NBEA: variants seen among roughly 807,000 people sequenced by gnomAD.
NBEA encodes the protein neurobeachin, also known as lysosomal-trafficking regulator 2.
Under a neutral mutation model 343.4 loss-of-function variants are expected in NBEA, and 44 were observed. The observed-to-expected ratio is 0.13, with a 90% confidence interval of 0.10 to 0.16. The LOEUF (loss-of-function observed/expected upper bound fraction) is 0.16. NBEA is among the 10% of genes least tolerant of loss of function. NBEA has a pLI of 1.00. For synonymous variants in NBEA, 1,175 were observed against 1,238.7 expected (o/e 0.95, Z 1.08); for missense variants, 2,555 against 3,631.3 (o/e 0.70, Z 7.62).
At position 35,672,135 on chromosome 13, in the gene NBEA, A is replaced by G; in HGVS notation, c.*1144A>G. On this transcript the variant is annotated 3_prime_UTR_variant, in exon 59 of 59. Coordinates refer to ENST00000379939, the MANE Select transcript of NBEA (RefSeq NM_001385012.1). ...GATATAAAATGATGGCTATCAAATG[A>G]TTTTCCATACATTGTACTGATCAAG... 6.5e-6 allele frequency: 1 copy of G among 152,680 alleles called. No homozygotes were observed. Among genetic ancestry groups the G allele is most frequent in the African/African-American group, 2.4e-5 (1 of 41,540 alleles). The allele number at this position is 152,680 out of a possible 1,614,324, so 9.5% of individuals were successfully genotyped here.
chr13:35,052,801 A>C (rs2063111564), intron 6 of NBEA, among the ~76,000 whole-genome samples: 1 of 151,998 alleles, frequency 6.6e-6, no homozygotes, highest in Non-Finnish European at 1.5e-5. Context: ...TAATCAGTGC[A>C]TTTGTTTATT....
rs151070751 is a variant in NBEA at position 35,240,076 on chromosome 13, A to C, written c.5776+7457A>C. ...CAAAAATCGCAATTACTTTTGCACC[A>C]ACCAATAATAACTGCAATGCATTGA... On this transcript the variant is annotated intron_variant, in intron 34 of 58. Coordinates refer to ENST00000379939, the MANE Select transcript of NBEA (RefSeq NM_001385012.1). 6.3e-4 allele frequency among the ~76,000 whole-genome samples: 96 copies of C among 151,388 alleles called. 3 individuals are homozygous for C. The East Asian group carries it at 0.018, about 28-fold the overall frequency.
At position 35,148,574 on chromosome 13, in the gene NBEA, T is replaced by G. The variant is rs191002187; in HGVS notation, c.2445+6197T>G. 3.2e-4 allele frequency among the ~76,000 whole-genome samples: 49 copies of G among 152,256 alleles called. No homozygotes were observed. In the East Asian group the frequency reaches 8.9e-3, roughly 28 times the overall value. On this transcript the variant is annotated intron_variant, in intron 18 of 58. Transcript: ENST00000379939. ...ATGTAGAAAAGCACCAAAATAAAAT[T>G]TAGCAAATACTGATTAATACTTAAG... is the stretch of plus-strand genomic sequence containing the variant.
Position 35,649,635 on chromosome 13 carries a change from C to T in NBEA, c.7771-20C>T, listed in dbSNP as rs1199593129. On this transcript the variant is annotated intron_variant, in intron 51 of 58. Transcript: ENST00000379939. The stretch of plus-strand genomic sequence containing the variant: ...TATTCCTTTTGTCTTCCTCTGTTCT[C>T]TTCCCTTTCTATTCAACAGTGTTTC... The T allele has an allele frequency of 6.3e-7, 1 of 1,593,698 alleles. No individual in the cohort carries two copies. Among genetic ancestry groups the T allele is most frequent in the South Asian group, 1.1e-5 (1 of 90,566 alleles).
rs542059028 is a variant in NBEA, at chr13:35,356,663, A to G, written c.6179+4340A>G. ...TCATCCTACTGAACTTCTAAACTGT[A>G]TTTGACAGTCTTCTATGAACTCTAT... is the stretch of plus-strand genomic sequence containing the variant. On this transcript the variant is annotated intron_variant, in intron 38 of 58. Coordinates refer to ENST00000379939, the MANE Select transcript of NBEA (RefSeq NM_001385012.1). Among the ~76,000 whole-genome samples, 31 of 152,240 alleles carry G rather than the reference A, an allele frequency of 2.0e-4. No individual in the cohort carries two copies. The South Asian group carries it at 6.2e-3, about 31-fold the overall frequency.
At chr13:35,060,122 G>A in intron 8 of NBEA, among the ~76,000 whole-genome samples, 1 of 151,622 alleles carries the variant, frequency 6.6e-6, no homozygotes, top group East Asian at 1.9e-4. Context: ...TAAAATACTT[G>A]CAGTGTCTTT....
At chr13:35,511,479 A>G (rs1186839582) in intron 41 of NBEA, among the ~76,000 whole-genome samples, 1 of 152,196 alleles carries the variant, frequency 6.6e-6, no homozygotes, top group Non-Finnish European at 1.5e-5. Flanking sequence ...TTTTCGAGCA[A>G]GGAACCCATT....
intron 53 of NBEA, among the ~76,000 whole-genome samples, chr13:35,652,688 CTTTTTTTT>C (rs766315741): frequency 1.5e-5 from 1 of 67,574 alleles, no homozygotes; most frequent in Non-Finnish European, 2.5e-5. Context: ...TTCTGGCAGT[CTTTTTTTT>C]TTTTTTTTTT....
chr13:35,081,851 T>C (rs572037126), intron 10 of NBEA, among the ~76,000 whole-genome samples: 12 of 152,268 alleles, frequency 7.9e-5, no homozygotes, highest in African/African-American at 2.9e-4. Context: ...TCATAGAATG[T>C]GTAATGACCA....
At chr13:35,068,676 C>A (rs1441576252) in intron 8 of NBEA, among the ~76,000 whole-genome samples, 1 of 152,034 alleles carries the variant, frequency 6.6e-6, no homozygotes, top group East Asian at 1.9e-4. Flanking sequence ...TGGTTTGCAT[C>A]CAGTTTTCTT....
At chr13:35,244,066 T>A (rs1933691) in intron 34 of NBEA, among the ~76,000 whole-genome samples, 1 of 151,782 alleles carries the variant, frequency 6.6e-6, no homozygotes, top group Non-Finnish European at 1.5e-5. Flanking sequence ...CATTTAAAAC[T>A]ATTAAAATCT....
intron 36 of NBEA, among the ~76,000 whole-genome samples, chr13:35,316,650 T>C (rs1412017368): frequency 2.0e-5 from 3 of 152,136 alleles, no homozygotes; most frequent in African/African-American, 7.2e-5. Flanking sequence ...GGTCAAATGG[T>C]ATTTCTGGTT....
At chr13:35,252,008 G>A (rs1018053406) in intron 34 of NBEA, among the ~76,000 whole-genome samples, 2 of 152,122 alleles carry the variant, frequency 1.3e-5, no homozygotes, top group African/African-American at 4.8e-5. Flanking sequence ...ATCAAATGAA[G>A]CACTTTCATT....
chr13:34,959,523 C>G (rs1041522666), intron 1 of NBEA, among the ~76,000 whole-genome samples: 1 of 151,906 alleles, frequency 6.6e-6, no homozygotes, highest in Non-Finnish European at 1.5e-5. Flanking sequence ...AGTTTCTCAT[C>G]CAGGCCTTAG....
chr13:35,214,314 AC>A, intron 33 of NBEA, among the ~76,000 whole-genome samples: 1 of 151,886 alleles, frequency 6.6e-6, no homozygotes, highest in East Asian at 1.9e-4. Context: ...CATTTGAGAA[AC>A]TGCTGAGCTG....
rs551371603 is a variant in NBEA, at chr13:35,244,808, A to T, written c.5776+12189A>T. The stretch of plus-strand genomic sequence containing the variant: ...ATGATTTCCTTCAGCAGTGTTTTGT[A>T]GTTTTTCTTGTAGAGTACTTTCACC... On this transcript the variant is annotated intron_variant, in intron 34 of 58. Transcript: ENST00000379939. Among the ~76,000 whole-genome samples the T allele has an allele frequency of 3.3e-5, 5 of 151,802 alleles. No individual in the cohort carries two copies. The East Asian group carries it at 9.7e-4, about 29-fold the overall frequency.
chr13:35,556,957 C>T (rs369257684), intron 44 of NBEA, among the ~76,000 whole-genome samples: 1 of 152,028 alleles, frequency 6.6e-6, no homozygotes, highest in East Asian at 1.9e-4. Context: ...TTTCCATATT[C>T]CCTGTATTAG....
intron 51 of NBEA, among the ~76,000 whole-genome samples, chr13:35,647,885 T>C (rs2084312414): frequency 1.3e-5 from 2 of 151,508 alleles, no homozygotes; most frequent in Admixed American, 6.6e-5. Context: ...TGTTTTTAAA[T>C]TTTTTTTTAA....
intron 34 of NBEA, among the ~76,000 whole-genome samples, chr13:35,242,789 A>G (rs185918694): frequency 6.6e-6 from 1 of 151,942 alleles, no homozygotes; most frequent in East Asian, 1.9e-4. Flanking sequence ...ATCAACCAAT[A>G]ATACTACCTC....
Sources: gnomAD v4.1 joint callset for allele counts (sites outside exome capture counted in the v4.1 genomes callset) on GRCh38, gnomAD v4.1.1 for gene constraint, MANE v1.5 for transcripts, NCBI Gene and HGNC (gene_info 2026-07-23, HGNC 2026-07-21) for gene names.